The following NT5DC3 variants were observed in gnomAD, a reference collection of about 807,000 sequenced individuals.
NT5DC3 encodes 5'-nucleotidase domain containing 3, also known as 5'-nucleotidase domain-containing protein 3.
A neutral mutation model predicts 67.8 loss-of-function variants in NT5DC3; 42 were observed. That is an observed-to-expected ratio of 0.62 (90% CI 0.48 to 0.80). The LOEUF is 0.80. Ranked by LOEUF, NT5DC3 falls within the 30% of genes least tolerant of loss-of-function variation. The pLI is 0.00. For missense variants in NT5DC3, 570 were observed against 696.4 expected (o/e 0.82, Z 2.04); for synonymous variants, 237 against 255.6 (o/e 0.93, Z 0.69).
chr12:103,793,804 CCAGGA>C (rs1195020016), intron 7 of NT5DC3, 128 bp downstream of exon 7: 1 of 716,708 alleles, frequency 1.4e-6, no homozygotes, highest in African/African-American at 1.8e-5. Context: ...GGCTAACATG[CCAGGA>C]TGCCAGGTCC....
At chr12:103,785,837 TTCA>T in intron 11 of NT5DC3, 4 of 433,708 alleles carry the variant, frequency 9.2e-6, no homozygotes, top group Non-Finnish European at 1.3e-5. Context: ...CTTCATTCAA[TTCA>T]TCCACAGACC....
In NT5DC3 at chr12:103,773,249, A is replaced by T. The variant is rs1885234252; in HGVS notation, c.*4580T>A. 1 of 152,248 alleles carries T rather than the reference A, an allele frequency of 6.6e-6. No homozygotes were observed. The highest frequency in any genetic ancestry group is 2.4e-5 in the African/African-American group (1 of 41,464). 9.4% of individuals were successfully genotyped at this position (152,248 alleles called of 1,614,324 possible). A position where few individuals can be genotyped will look rare whatever the true frequency, so the allele number is the denominator to read the frequency against. ...GCCCACAGCTTGTCTTGGTAAATCA[A>T]GTTGTGCTGGAACACAGCCATGACC... On this transcript the variant is annotated 3_prime_UTR_variant, in exon 14 of 14. Coordinates refer to ENST00000392876, the MANE Select transcript of NT5DC3 (RefSeq NM_001031701.3).
chr12:103,750,463 C>T, the NT5DC3 span: 35 of 1,337,036 alleles, frequency 2.6e-5, no homozygotes, highest in Non-Finnish European at 2.2e-5. Flanking sequence ...AGGAAAGGCA[C>T]GTTCTCTTGG....
intron 1 of NT5DC3, among the ~76,000 whole-genome samples, chr12:103,830,469 C>T (rs1247902443): frequency 6.6e-6 from 1 of 151,992 alleles, no homozygotes; most frequent in Admixed American, 6.6e-5. Flanking sequence ...GTTTTCTCTC[C>T]CCCATTTCCC....
intron 6 of NT5DC3, 151 bp from the exon 7 acceptor site, chr12:103,794,148 CTTCTTTTTTTT>C: frequency 2.0e-6 from 1 of 488,440 alleles, no homozygotes; most frequent in Admixed American, 3.6e-5. Context: ...CCATTTTCTT[CTTCTTTTTTTT>C]TTTTTTTTGA....
At chr12:103,825,766 C>G (rs1188239195) in intron 1 of NT5DC3, among the ~76,000 whole-genome samples, 1 of 152,162 alleles carries the variant, frequency 6.6e-6, no homozygotes, top group Non-Finnish European at 1.5e-5. Flanking sequence ...AGAGCAAGAC[C>G]CTATCGAAGA....
chr12:103,756,384 A>C, the NT5DC3 span, among the ~76,000 whole-genome samples: 1 of 152,210 alleles, frequency 6.6e-6, no homozygotes, highest in Admixed American at 6.5e-5. Flanking sequence ...CAAGCCATAG[A>C]ATGTAAGTTC....
At chr12:103,755,170 G>C in the NT5DC3 span, 3 of 1,252,260 alleles carry the variant, frequency 2.4e-6, no homozygotes, top group Non-Finnish European at 3.4e-6. Context: ...CTGTGTGCCA[G>C]GCACAGAGGT....
the NT5DC3 span, chr12:103,762,297 A>C: frequency 1.2e-6 from 2 of 1,614,114 alleles, no homozygotes; most frequent in Non-Finnish European, 1.7e-6. Context: ...CTGGCTTGGG[A>C]GCAGGGATCT....
chr12:103,814,907 G>A (rs933900867), intron 2 of NT5DC3, 30 bp downstream of exon 2: 6 of 1,554,130 alleles, frequency 3.9e-6, no homozygotes, highest in South Asian at 1.2e-5. Flanking sequence ...AAAGGGGAGG[G>A]AGAAGCCTGA....
At chr12:103,757,851 C>A in the NT5DC3 span, 1 of 360,284 alleles carries the variant, frequency 2.8e-6, no homozygotes, top group Admixed American at 3.7e-5. Flanking sequence ...TTGGACTGTT[C>A]CTCTGAGTGA....
chr12:103,808,200 C>A (rs1886884356), intron 2 of NT5DC3, among the ~76,000 whole-genome samples: 1 of 152,186 alleles, frequency 6.6e-6, no homozygotes, highest in Admixed American at 6.5e-5. Flanking sequence ...GCAGGCCCTA[C>A]CATCCCCATT....
chr12:103,765,568 A>C (rs1884882266), downstream of NT5DC3, among the ~76,000 whole-genome samples: 1 of 152,142 alleles, frequency 6.6e-6, no homozygotes, highest in African/African-American at 2.4e-5. Context: ...CCACCTCTAG[A>C]GTGTGGCCTT....
intron 7 of NT5DC3, 125 bp from the exon 8 acceptor site, chr12:103,793,637 GGAA>G: frequency 1.4e-6 from 1 of 689,680 alleles, no homozygotes; most frequent in Non-Finnish European, 2.5e-6. Flanking sequence ...AAGGCCCTAA[GGAA>G]GAAGCTTTGT....
the NT5DC3 span, chr12:103,746,325 T>C: frequency 7.1e-6 from 2 of 282,650 alleles, no homozygotes; most frequent in Admixed American, 9.3e-5. Flanking sequence ...TTTTGTGGTA[T>C]AAAGTTTTAA....
chr12:103,798,772 C>CA (rs778511694), intron 4 of NT5DC3, 95 bp from the exon 5 acceptor site: 29 of 853,724 alleles, frequency 3.4e-5, no homozygotes, highest in Non-Finnish European at 5.2e-5. Flanking sequence ...AATTGAGGTG[C>CA]AAGGCACTGT....
rs548781112 is a variant in NT5DC3, at chr12:103,793,393, AAC to A, written c.917+15_917+16del. 3.1e-5 allele frequency: 49 copies of A among 1,603,342 alleles called. No individual in the cohort carries two copies. In the South Asian group the frequency reaches 4.6e-4, roughly 15 times the overall value. On this transcript the variant is annotated intron_variant, in intron 8 of 13. Coordinates refer to ENST00000392876, the MANE Select transcript of NT5DC3 (RefSeq NM_001031701.3). ...GGAGTGTGCCAGAAGCTAGCAATGA[AAC>A]ACAGAGCAACTTACACAAAGCTACT...
At chr12:103,825,529 C>T (rs965842173) in intron 1 of NT5DC3, among the ~76,000 whole-genome samples, 5 of 152,192 alleles carry the variant, frequency 3.3e-5, no homozygotes, top group African/African-American at 1.2e-4. Context: ...CAGTGGCTCA[C>T]ACTTGTAATC....
the NT5DC3 span, among the ~76,000 whole-genome samples, chr12:103,760,349 C>G: frequency 1.2e-3 from 187 of 150,614 alleles, 1 homozygote; most frequent in African/African-American, 4.5e-3. Context: ...CAACCTCCCC[C>G]TCCTGGATTC....
Sources: allele counts gnomAD v4.1 joint callset (sites outside exome capture counted in the v4.1 genomes callset), GRCh38; gene constraint gnomAD v4.1.1; transcripts MANE v1.5; gene names NCBI Gene and HGNC (gene_info 2026-07-23, HGNC 2026-07-21).